The following FOXN3 variants were observed in gnomAD, a reference collection of about 807,000 sequenced individuals.
The protein encoded by FOXN3 is forkhead box N3.
In FOXN3, 7 loss-of-function variants were observed where a neutral mutation model predicts 38.4. The observed-to-expected ratio is 0.18, with a 90% CI of 0.10 to 0.34. The LOEUF (loss-of-function observed/expected upper bound fraction) is 0.34. FOXN3 is among the 10% of genes least tolerant of loss of function. The pLI is 1.00. For missense variants in FOXN3, 456 were observed against 613.4 expected, an observed-to-expected ratio of 0.74 and a Z score of 2.71; for synonymous variants, 230 against 242.2, an observed-to-expected ratio of 0.95 and a Z score of 0.47.
chr14:89,605,253 G>A (rs1477792778), intron 1 of FOXN3, among the ~76,000 whole-genome samples: 1 of 152,094 alleles, frequency 6.6e-6, no homozygotes, highest in African/African-American at 2.4e-5. Context: ...GGAGTTAAGT[G>A]GTCTAAGGTC....
chr14:89,583,803 G>A (rs1209793746), intron 1 of FOXN3, among the ~76,000 whole-genome samples: 3 of 150,338 alleles, frequency 2.0e-5, no homozygotes, highest in East Asian at 2.0e-4. Context: ...CAAGTGATCC[G>A]CCCACCTCGG....
chr14:89,266,941 C>T (rs1279245699), intron 4 of FOXN3, among the ~76,000 whole-genome samples: 1 of 152,154 alleles, frequency 6.6e-6, no homozygotes, highest in African/African-American at 2.4e-5. Context: ...ATACCAAAGG[C>T]ACGAGCCATG....
At chr14:89,544,420 A>T (rs1428673088) in intron 1 of FOXN3, among the ~76,000 whole-genome samples, 2 of 152,004 alleles carry the variant, frequency 1.3e-5, no homozygotes, top group African/African-American at 4.8e-5. Flanking sequence ...TGTAAACTTA[A>T]AACTCTGGGC....
chr14:89,338,297 C>T (rs1888522370), intron 3 of FOXN3, among the ~76,000 whole-genome samples: 1 of 152,222 alleles, frequency 6.6e-6, no homozygotes, highest in Non-Finnish European at 1.5e-5. Context: ...TTTTTCACTA[C>T]TCTTATAATC....
At chr14:89,419,954 G>A (rs1261076100), upstream of FOXN3, among the ~76,000 whole-genome samples, 1 of 152,212 alleles carries the variant, frequency 6.6e-6, no homozygotes, top group African/African-American at 2.4e-5. Context: ...TCCGAGGCAG[G>A]CCTGGAAAGA....
At chr14:89,525,366 G>A (rs922472469) in intron 1 of FOXN3, among the ~76,000 whole-genome samples, 10 of 152,114 alleles carry the variant, frequency 6.6e-5, no homozygotes, top group Non-Finnish European at 7.3e-5. Context: ...AGCATGCTAA[G>A]AGACACTCCC....
chr14:89,422,438 A>C (rs1253684183), intron 1 of FOXN3, among the ~76,000 whole-genome samples: 1 of 152,230 alleles, frequency 6.6e-6, no homozygotes, highest in African/African-American at 2.4e-5. Flanking sequence ...AATGAACGCA[A>C]GACAGTCTTC....
At chr14:89,611,715 A>G (rs1596332861) in intron 1 of FOXN3, among the ~76,000 whole-genome samples, 1 of 150,924 alleles carries the variant, frequency 6.6e-6, no homozygotes. Flanking sequence ...CTGAGGCAGG[A>G]GAACGGCGTG....
intron 1 of FOXN3, among the ~76,000 whole-genome samples, chr14:89,416,432 A>AG (rs928803003): frequency 5.3e-5 from 8 of 152,104 alleles, no homozygotes; most frequent in African/African-American, 9.6e-5. Context: ...GGCCGGGATG[A>AG]GGGGGGTCGG....
intron 1 of FOXN3, among the ~76,000 whole-genome samples, chr14:89,511,685 G>A (rs530658893): frequency 6.8e-4 from 104 of 152,186 alleles, no homozygotes; most frequent in Non-Finnish European, 1.3e-3. Context: ...GAAGAGTATT[G>A]TATTAGTCCA....
chr14:89,162,150 G>C lies in FOXN3; in HGVS notation c.*264C>G, dbSNP rs193241414. On this transcript the variant is annotated 3_prime_UTR_variant, in exon 6 of 6. Transcript: ENST00000557258. The surrounding 1 kb of genome is among the most constrained non-coding windows in gnomAD (Gnocchi z 7.2). ...TTTGGCTTTTTCGGTTTTGTCTTCAGATAATGAAAAGCTTTTGTAAAACAG... is the reference window on the plus strand; with the variant it reads ...TTTGGCTTTTTCGGTTTTGTCTTCACATAATGAAAAGCTTTTGTAAAACAG... The C allele has an allele frequency of 3.3e-6, 1 of 304,512 alleles. No individual in the cohort carries two copies. The highest frequency in any genetic ancestry group is 4.9e-5 in the Admixed American group (1 of 20,288). The allele number at this position is 304,512 out of a possible 1,614,324, so 18.9% of individuals were successfully genotyped here. A position where few individuals can be genotyped will look rare whatever the true frequency, so the allele number is the denominator to read the frequency against.
In FOXN3 at chr14:89,377,020, C is replaced by CAAAAAAAA. The variant is rs59105357; in HGVS notation, c.544-26220_544-26213dup. Among the ~76,000 whole-genome samples the CAAAAAAAA allele has an allele frequency of 6.9e-3, 293 of 42,772 alleles. 40 individuals are homozygous for CAAAAAAAA. Among genetic ancestry groups the CAAAAAAAA allele is most frequent in the Non-Finnish European group, 8.1e-3 (188 of 23,240 alleles). 28.1% of individuals were successfully genotyped at this position (42,772 alleles called of 152,430 possible). On this transcript the variant is annotated intron_variant, in intron 2 of 5. Coordinates refer to ENST00000557258, the MANE Select transcript of FOXN3 (RefSeq NM_005197.4). ...TGAGCAAAAGATCAAGACTCTGTCTCAAAAAAAAAAAAAAAAAAAAAAAAA... is the reference window on the plus strand; with the variant it reads ...TGAGCAAAAGATCAAGACTCTGTCTCAAAAAAAAAAAAAAAAAAAAAAAAAAAAAAAAA...
At chr14:89,310,879 G>A (rs1887518717) in intron 3 of FOXN3, among the ~76,000 whole-genome samples, 1 of 151,734 alleles carries the variant, frequency 6.6e-6, no homozygotes, top group Admixed American at 6.6e-5. Flanking sequence ...GGCCGAGGCA[G>A]GCAGATCACC....
At chr14:89,520,240 CT>C (rs1043875785) in intron 1 of FOXN3, among the ~76,000 whole-genome samples, 1 of 141,342 alleles carries the variant, frequency 7.1e-6, no homozygotes. Flanking sequence ...GTTTTTCTTT[CT>C]TTTTTTTGAG....
chr14:89,299,293 A>G (rs191818030), intron 3 of FOXN3, among the ~76,000 whole-genome samples: 85 of 152,286 alleles, frequency 5.6e-4, no homozygotes, highest in Admixed American at 2.6e-3. Context: ...ACAAAATCCA[A>G]TGGTTTTATA....
intron 1 of FOXN3, among the ~76,000 whole-genome samples, chr14:89,459,967 C>T (rs944043980): frequency 1.3e-5 from 2 of 152,126 alleles, no homozygotes; most frequent in African/African-American, 2.4e-5. Context: ...GAACTCTGCC[C>T]GACAGCTGCT....
chr14:89,287,748 C>T (rs1212039936), intron 3 of FOXN3, among the ~76,000 whole-genome samples: 1 of 40,864 alleles, frequency 2.4e-5, no homozygotes, highest in Non-Finnish European at 4.4e-5. Context: ...CTAAAGAATG[C>T]TAAAAAAAAA....
chr14:89,346,721 A>C (rs537576310), intron 3 of FOXN3, among the ~76,000 whole-genome samples: 1 of 152,322 alleles, frequency 6.6e-6, no homozygotes, highest in South Asian at 2.1e-4. Flanking sequence ...GAAGTAGGTC[A>C]TTAAGTGCAG....
chr14:89,614,699 C>A (rs1048064878), intron 1 of FOXN3, among the ~76,000 whole-genome samples: 1 of 152,222 alleles, frequency 6.6e-6, no homozygotes, highest in African/African-American at 2.4e-5. Flanking sequence ...GCCCAGGTGA[C>A]AATAGCAGGC....
Sources: gnomAD v4.1 joint callset for allele counts (sites outside exome capture counted in the v4.1 genomes callset) on GRCh38, gnomAD v4.1.1 for gene constraint, Gnocchi (gnomAD v3.1) non-coding constraint, MANE v1.5 for transcripts, NCBI Gene and HGNC (gene_info 2026-07-23, HGNC 2026-07-21) for gene names.